The following MARVELD3 variants were observed in gnomAD, a reference collection of about 807,000 sequenced individuals.
MARVELD3 encodes MARVEL domain-containing protein 3.
Under a neutral mutation model 33.5 loss-of-function variants are expected in MARVELD3, and 28 were observed. The observed-to-expected ratio is 0.84, with a 90% CI of 0.62 to 1.15. The LOEUF (loss-of-function observed/expected upper bound fraction) is 1.15. MARVELD3 is among the 50% of genes most tolerant of loss of function. The pLI, the probability that MARVELD3 is intolerant of heterozygous loss-of-function variation, is 0.00. For missense variants in MARVELD3, 582 were observed against 547.6 expected, an observed-to-expected ratio of 1.06 and a Z score of -0.63; for synonymous variants, 241 against 230.4, an observed-to-expected ratio of 1.05 and a Z score of -0.42.
In MARVELD3 at chr16:71,634,871, A is replaced by C; in HGVS notation, c.*68A>C. The C allele has an allele frequency of 1.3e-6, 2 of 1,520,390 alleles. No homozygotes were observed. Among genetic ancestry groups the C allele is most frequent in the Non-Finnish European group, 1.8e-6 (2 of 1,137,438 alleles). 94.2% of individuals were successfully genotyped at this position (1,520,390 alleles called of 1,614,324 possible). ...GTAGTCTGAGCCACTGCCTTTCCCA[A>C]GAATCCCTTGTTGTGGAAGTTTCCA... On this transcript the variant is annotated 3_prime_UTR_variant, in exon 3 of 3. Transcript: ENST00000268485.
intron 2 of MARVELD3, among the ~76,000 whole-genome samples, chr16:71,632,225 T>A (rs2044540482): frequency 6.6e-6 from 1 of 152,218 alleles, no homozygotes; most frequent in Non-Finnish European, 1.5e-5. Context: ...AAAGCGTCAC[T>A]AAGGAAATTT....
In MARVELD3 at chr16:71,628,613, C is replaced by G. The variant is rs369435753; in HGVS notation, c.468-754C>G. On this transcript the variant is annotated intron_variant, in intron 1 of 2. Transcript: ENST00000268485. ...AGGAGAAGAATAGCTTCTGTAGTAA[C>G]CCAGAGGCATGGAAAAGCAGTCATC... Among the ~76,000 whole-genome samples, 14 of 151,462 alleles carry G rather than the reference C, an allele frequency of 9.2e-5. No homozygotes were observed. The South Asian group carries it at 2.9e-3, about 32-fold the overall frequency.
intron 1 of MARVELD3, 164 bp from the exon 2 acceptor site, chr16:71,629,203 G>A (rs756316486): frequency 2.6e-5 from 19 of 722,962 alleles, no homozygotes; most frequent in Non-Finnish European, 3.9e-5. Context: ...TGGATGTCCC[G>A]TGGGGCCACT....
Position 71,626,358 on chromosome 16 carries a change from G to T in MARVELD3, c.129G>T (p.Arg43Ser). Residue 43 changes from arginine (R) to serine (S), a missense_variant, in exon 1 of 3, where the codon AGG becomes AGT. Physicochemically the swap from Arg to Ser is moderately radical, Grantham distance 110. Transcript: ENST00000268485. This position sits in a 1 kb window ranked among gnomAD's most constrained non-coding sequence, Gnocchi z 5.3. ...RPRDRPGDPRRKRSSDGNRRR... is the reference protein window; with the variant it reads ...RPRDRPGDPRSKRSSDGNRRR... The stretch of plus-strand genomic sequence containing the variant: ...GGGACCGACCCGGGGACCCGCGCAG[G>T]AAGCGAAGCAGCGACGGGAACCGGC... 1 of 1,548,272 alleles carries T rather than the reference G, an allele frequency of 6.5e-7. No homozygotes were observed. The highest frequency in any genetic ancestry group is 2.0e-5 in the Admixed American group (1 of 50,994).
rs1442973893 is a variant in MARVELD3 at position 71,635,371 on chromosome 16, A to T, written c.*568A>T. On this transcript the variant is annotated 3_prime_UTR_variant, in exon 3 of 3. Coordinates refer to ENST00000268485, the MANE Select transcript of MARVELD3 (RefSeq NM_052858.6). The stretch of plus-strand genomic sequence containing the variant: ...AAAAAACTGGACCCCAAGAGCCACA[A>T]GGAAAAAGCATGTACTACAACAGAG... 16 of 985,646 alleles carry T rather than the reference A, an allele frequency of 1.6e-5. No individual in the cohort carries two copies. The highest frequency in any genetic ancestry group is 4.7e-5 in the South Asian group (1 of 21,286). 61.1% of individuals were successfully genotyped at this position (985,646 alleles called of 1,614,324 possible).
intron 2 of MARVELD3, among the ~76,000 whole-genome samples, chr16:71,631,368 G>A (rs1056458524): frequency 6.6e-6 from 1 of 151,986 alleles, no homozygotes; most frequent in Non-Finnish European, 1.5e-5. Context: ...TTTTAAATTG[G>A]TTGTATTACA....
chr16:71,635,415 A>G lies in MARVELD3; in HGVS notation c.*612A>G. ...AACAGAGTGCACCTCTTCATTCAGTAAAGGGAGGTCACCAAGAGAATTTGA... is the reference window on the plus strand; with the variant it reads ...AACAGAGTGCACCTCTTCATTCAGTGAAGGGAGGTCACCAAGAGAATTTGA... On this transcript the variant is annotated 3_prime_UTR_variant, in exon 3 of 3. Transcript: ENST00000268485. 2.0e-6 allele frequency: 2 copies of G among 985,056 alleles called. No individual in the cohort carries two copies. The highest frequency in any genetic ancestry group is 2.4e-6 in the Non-Finnish European group (2 of 829,918). 61.0% of individuals were successfully genotyped at this position (985,056 alleles called of 1,614,324 possible).
At chr16:71,640,828 G>T, downstream of MARVELD3, 3 of 1,614,238 alleles carry the variant, frequency 1.9e-6, no homozygotes, top group Non-Finnish European at 1.7e-6. Flanking sequence ...GCCCGCAAGG[G>T]TCTCACCTGG....
In MARVELD3 at chr16:71,636,122, A is replaced by T; in HGVS notation, c.*1319A>T. On this transcript the variant is annotated 3_prime_UTR_variant, in exon 3 of 3. Coordinates refer to ENST00000268485, the MANE Select transcript of MARVELD3 (RefSeq NM_052858.6). ...ATTCTCGGTCCTTAAGTTATGACTT[A>T]TGGAACATTACAATATATTCTCGGT... The T allele has an allele frequency of 2.0e-6, 2 of 985,360 alleles. No individual in the cohort carries two copies. Among genetic ancestry groups the T allele is most frequent in the Non-Finnish European group, 1.2e-6 (1 of 829,850 alleles). The allele number at this position is 985,360 out of a possible 1,614,324, so 61.0% of individuals were successfully genotyped here.
Position 71,626,465 on chromosome 16 carries a change from G to A in MARVELD3, c.236G>A (p.Arg79Lys). The stretch of plus-strand genomic sequence containing the variant: ...CGGAACCGGGACCGGGAGAGGGAGA[G>A]AGAGAGGGAAAGAGACCCGGACCGA... Reference protein sequence around the residue: ...RDRNRDRERERERERDPDRGP... With the variant: ...RDRNRDREREKERERDPDRGP... The change falls in exon 1 of 3, where the codon AGA becomes AAA. Residue 79 changes from arginine (R) to lysine (K), a missense_variant. Arg to Lys is a conservative substitution (Grantham distance 26). Coordinates refer to ENST00000268485, the MANE Select transcript of MARVELD3 (RefSeq NM_052858.6). This position sits in a 1 kb window ranked among gnomAD's most constrained non-coding sequence, Gnocchi z 5.3. 6.5e-7 allele frequency: 1 copy of A among 1,549,406 alleles called. No homozygotes were observed. The highest frequency in any genetic ancestry group is 1.2e-5 in the South Asian group (1 of 84,022).
intron 2 of MARVELD3, among the ~76,000 whole-genome samples, chr16:71,633,509 T>G (rs578244523): frequency 6.6e-6 from 1 of 152,152 alleles, no homozygotes; most frequent in East Asian, 1.9e-4. Context: ...TTCTCCTACC[T>G]CAGCCTCCCA....
chr16:71,641,606 G>C (rs1215271841), exon 3 of MARVELD3: 1 of 153,010 alleles, frequency 6.5e-6, no homozygotes, highest in African/African-American at 2.4e-5. Context: ...AAAATCATCT[G>C]GGCTTGGTGG....
downstream of MARVELD3, among the ~76,000 whole-genome samples, chr16:71,637,272 G>C (rs1245249876): frequency 2.0e-5 from 3 of 152,194 alleles, no homozygotes; most frequent in African/African-American, 4.8e-5. Flanking sequence ...TAGCCTAACA[G>C]ATAGATGCTG....
downstream of MARVELD3, chr16:71,641,273 C>A (rs951219396): frequency 5.6e-5 from 26 of 464,784 alleles, no homozygotes; most frequent in Admixed American, 1.1e-4. Flanking sequence ...GCTCACATAG[C>A]GAAACCCTGT....
chr16:71,641,037 G>T, downstream of MARVELD3: 1 of 1,586,304 alleles, frequency 6.3e-7, no homozygotes, highest in Non-Finnish European at 8.6e-7. Flanking sequence ...AGATCTTCCG[G>T]AACCTAAATG....
downstream of MARVELD3, chr16:71,636,580 CTTTT>C (rs2044582512): frequency 6.6e-6 from 1 of 151,906 alleles, no homozygotes; most frequent in Non-Finnish European, 1.5e-5. Flanking sequence ...CCCAGAAAGA[CTTTT>C]TTTATTTTTT....
Position 71,626,551 on chromosome 16 carries a change from G to A in MARVELD3, c.322G>A (p.Glu108Lys), listed in dbSNP as rs546760858. Residue 108 changes from glutamate (E) to lysine (K), a missense_variant, in exon 1 of 3, where the codon GAA (glutamate) becomes AAA (lysine). Physicochemically the swap from Glu to Lys is moderately conservative, Grantham distance 56 (BLOSUM62 1). Transcript: ENST00000268485. The surrounding 1 kb of genome is among the most constrained non-coding windows in gnomAD (Gnocchi z 5.3). ...GPRAGEHGVW[E>K]KPRQSRTRDG... Reference sequence around the variant, plus strand: ...TCGCGCAGGTGAACACGGAGTTTGGGAAAAACCGCGCCAAAGCCGGACGCG... The same window carrying A: ...TCGCGCAGGTGAACACGGAGTTTGGAAAAAACCGCGCCAAAGCCGGACGCG... The A allele has an allele frequency of 3.4e-4, 530 of 1,549,004 alleles. 1 individual carries two copies. Among genetic ancestry groups the A allele is most frequent in the Non-Finnish European group, 4.4e-4 (508 of 1,146,858 alleles).
downstream of MARVELD3, chr16:71,638,554 A>T (rs533135399): frequency 1.3e-5 from 2 of 152,446 alleles, no homozygotes; most frequent in South Asian, 4.1e-4. Context: ...GGTTGGCAAC[A>T]TTGAAGAGAC....
intron 2 of MARVELD3, among the ~76,000 whole-genome samples, chr16:71,630,349 G>A (rs1441690585): frequency 6.6e-6 from 1 of 151,816 alleles, no homozygotes; most frequent in African/African-American, 2.4e-5. Flanking sequence ...AATAAGGCCA[G>A]GCACGATGGC....
Sources: allele counts gnomAD v4.1 joint callset (sites outside exome capture counted in the v4.1 genomes callset), GRCh38; gene constraint gnomAD v4.1.1; non-coding constraint Gnocchi (gnomAD v3.1); transcripts MANE v1.5; gene names NCBI Gene and HGNC (gene_info 2026-07-23, HGNC 2026-07-21).